PTPRD: variants seen among roughly 807,000 people sequenced by gnomAD.
The protein encoded by PTPRD is receptor-type tyrosine-protein phosphatase delta.
In PTPRD, 34 loss-of-function variants were observed where a neutral mutation model predicts 214.5. The ratio of observed to expected loss-of-function variants is 0.16; its 90% CI spans 0.12 to 0.21. The LOEUF (loss-of-function observed/expected upper bound fraction) is 0.21. Among genes scored for constraint, PTPRD ranks in the 10% least tolerant of loss-of-function variants. PTPRD has a pLI of 1.00. For missense variants in PTPRD, 2,545 were observed against 2,398.7 expected (o/e 1.06, Z -1.27); for synonymous variants, 1,128 against 845.7 (o/e 1.33, Z -5.79).
At chr9:8,611,634 G>C (rs897890281) in intron 14 of PTPRD, among the ~76,000 whole-genome samples, 1 of 151,844 alleles carries the variant, frequency 6.6e-6, no homozygotes, top group Non-Finnish European at 1.5e-5. Context: ...GAGCCTGGAA[G>C]GTCTGGGCTG....
chr9:9,818,069 T>C (rs545133920), intron 5 of PTPRD, among the ~76,000 whole-genome samples: 1 of 152,278 alleles, frequency 6.6e-6, no homozygotes, highest in South Asian at 2.1e-4. Flanking sequence ...TGGCTTATGT[T>C]TGGATATGAT....
chr9:8,816,004 T>C (rs1318507444), intron 11 of PTPRD, among the ~76,000 whole-genome samples: 2 of 152,202 alleles, frequency 1.3e-5, no homozygotes, highest in African/African-American at 2.4e-5. Flanking sequence ...ATTTACCCCA[T>C]AACAAAGGAA....
At chr9:9,919,046 C>T (rs1373387631) in intron 5 of PTPRD, among the ~76,000 whole-genome samples, 2 of 151,924 alleles carry the variant, frequency 1.3e-5, no homozygotes, top group Non-Finnish European at 2.9e-5. Flanking sequence ...ATCTGGCAGC[C>T]TTTTATTTGC....
intron 11 of PTPRD, among the ~76,000 whole-genome samples, chr9:8,783,775 G>A (rs968690102): frequency 1.3e-5 from 2 of 152,086 alleles, no homozygotes; most frequent in African/African-American, 4.8e-5. Context: ...ATTTTCAACT[G>A]TATTTTATTC....
At chr9:8,890,508 T>C (rs2098529769) in intron 11 of PTPRD, among the ~76,000 whole-genome samples, 1 of 152,222 alleles carries the variant, frequency 6.6e-6, no homozygotes, top group Non-Finnish European at 1.5e-5. Flanking sequence ...ACTTCATCTT[T>C]TGGGTCAGGA....
At chr9:10,215,749 T>C (rs1330966172) in intron 3 of PTPRD, among the ~76,000 whole-genome samples, 1 of 151,968 alleles carries the variant, frequency 6.6e-6, no homozygotes, top group African/African-American at 2.4e-5. Context: ...CAGTTGTCTG[T>C]CAAAACTGGA....
intron 8 of PTPRD, among the ~76,000 whole-genome samples, chr9:9,440,196 T>C (rs1167721629): frequency 2.6e-5 from 4 of 152,212 alleles, no homozygotes; most frequent in Non-Finnish European, 2.9e-5. Flanking sequence ...CATAAATTCC[T>C]AAAATTATTA....
chr9:10,309,173 C>T lies in PTPRD; in HGVS notation c.-545+31790G>A, dbSNP rs372703407. ...GGATTTCATCTCCATATTGATCCTT[C>T]AAACTTCTAAACAATTGAAGAGAAC... On this transcript the variant is annotated intron_variant, in intron 3 of 45. Transcript: ENST00000381196. 4.6e-5 allele frequency among the ~76,000 whole-genome samples: 7 copies of T among 152,126 alleles called. No homozygotes were observed. In the East Asian group the frequency reaches 1.4e-3, roughly 29 times the overall value.
chr9:9,727,391 A>T (rs2098114443), intron 7 of PTPRD, among the ~76,000 whole-genome samples: 1 of 152,178 alleles, frequency 6.6e-6, no homozygotes, highest in Non-Finnish European at 1.5e-5. Flanking sequence ...TCAAGGGTGC[A>T]ATGAGCCAAG....
chr9:10,266,479 T>C (rs1374045234), intron 3 of PTPRD, among the ~76,000 whole-genome samples: 1 of 152,202 alleles, frequency 6.6e-6, no homozygotes, highest in African/African-American at 2.4e-5. Context: ...TGAATGAGAC[T>C]AATTTTGATT....
At chr9:10,015,139 A>T (rs1373411651) in intron 4 of PTPRD, among the ~76,000 whole-genome samples, 1 of 152,068 alleles carries the variant, frequency 6.6e-6, no homozygotes, top group Non-Finnish European at 1.5e-5. Flanking sequence ...TTTCAGTTTC[A>T]ATTGGATTTT....
intron 35 of PTPRD, among the ~76,000 whole-genome samples, chr9:8,430,437 A>ATTTTTT (rs4008183): frequency 7.0e-6 from 1 of 142,112 alleles, no homozygotes; most frequent in African/African-American, 2.6e-5. Context: ...CGACAGGCTA[A>ATTTTTT]TTTTTTTTTT....
chr9:10,062,027 CATTG>C (rs59052640), intron 3 of PTPRD, among the ~76,000 whole-genome samples: 17,674 of 142,110 alleles, frequency 0.12, 2,146 homozygotes, highest in African/African-American at 0.38. Flanking sequence ...ATTCGAGAAC[CATTG>C]ATTGATTGAT....
chr9:8,625,726 T>C (rs2096005543), intron 14 of PTPRD, among the ~76,000 whole-genome samples: 1 of 151,694 alleles, frequency 6.6e-6, no homozygotes, highest in African/African-American at 2.4e-5. Flanking sequence ...GGATAAAGTT[T>C]AATAATCAAA....
At chr9:9,256,841 A>G (rs1342688246) in intron 9 of PTPRD, among the ~76,000 whole-genome samples, 1 of 151,834 alleles carries the variant, frequency 6.6e-6, no homozygotes, top group Admixed American at 6.6e-5. Context: ...TATAAGAAAA[A>G]TCTCTAAGTC....
At chr9:9,724,945 C>A (rs1215410457) in intron 7 of PTPRD, among the ~76,000 whole-genome samples, 1 of 152,098 alleles carries the variant, frequency 6.6e-6, no homozygotes, top group Non-Finnish European at 1.5e-5. Flanking sequence ...AGAACACTAC[C>A]TGGCTTTGGG....
chr9:9,705,543 C>G (rs781461889), intron 7 of PTPRD, among the ~76,000 whole-genome samples: 1 of 152,056 alleles, frequency 6.6e-6, no homozygotes, highest in Non-Finnish European at 1.5e-5. Flanking sequence ...TACTCTCAAG[C>G]ACTTGAGGTC....
chr9:9,943,848 G>A (rs2092095522), intron 4 of PTPRD, among the ~76,000 whole-genome samples: 1 of 152,068 alleles, frequency 6.6e-6, no homozygotes, highest in Admixed American at 6.6e-5. Context: ...AAGCTGCTGG[G>A]AGTGCTGCTG....
chr9:9,527,661 C>T (rs924751364), intron 8 of PTPRD, among the ~76,000 whole-genome samples: 1 of 152,134 alleles, frequency 6.6e-6, no homozygotes, highest in Non-Finnish European at 1.5e-5. Context: ...ACTCTTCAAG[C>T]ATCTATCCTT....
Sources: allele counts gnomAD v4.1 joint callset (sites outside exome capture counted in the v4.1 genomes callset), GRCh38; gene constraint gnomAD v4.1.1; transcripts MANE v1.5; gene names NCBI Gene and HGNC (gene_info 2026-07-23, HGNC 2026-07-21).